Variants in TEAD1 observed in about 807,000 individuals in gnomAD.
TEAD1 encodes the protein transcriptional enhancer factor TEF-1.
In TEAD1, 9 loss-of-function variants were observed where a neutral mutation model predicts 54.9. That is an observed-to-expected ratio of 0.16 (90% CI 0.10 to 0.29). TEAD1 has a LOEUF of 0.29. Ranked by LOEUF, TEAD1 falls within the 10% of genes least tolerant of loss-of-function variation. TEAD1 has a pLI of 1.00. For synonymous variants in TEAD1, 200 were observed against 187.8 expected (o/e 1.07, Z -0.53); for missense variants, 387 against 535.9 (o/e 0.72, Z 2.74).
chr11:12,749,308 A>T (rs978407314), intron 2 of TEAD1, among the ~76,000 whole-genome samples: 6 of 152,190 alleles, frequency 3.9e-5, no homozygotes, highest in Non-Finnish European at 8.8e-5. Flanking sequence ...TTACATTTTA[A>T]TTAATCTAAG....
intron 2 of TEAD1, among the ~76,000 whole-genome samples, chr11:12,726,913 T>C (rs1944324545): frequency 6.6e-6 from 1 of 152,230 alleles, no homozygotes; most frequent in African/African-American, 2.4e-5. Context: ...TAATAAGTTA[T>C]TGAAATTAAT....
At chr11:12,822,984 A>G (rs192417708) in intron 3 of TEAD1, among the ~76,000 whole-genome samples, 37 of 152,348 alleles carry the variant, frequency 2.4e-4, no homozygotes, top group African/African-American at 8.7e-4. Context: ...TTACATCTCA[A>G]GACAACATTT....
intron 11 of TEAD1, 113 bp downstream of exon 11, chr11:12,925,165 G>A (rs1344986722): frequency 8.1e-7 from 1 of 1,232,086 alleles, no homozygotes. Flanking sequence ...CTTACCTTCT[G>A]TATTAGTCCA....
At chr11:12,708,287 A>C (rs534236924) in intron 2 of TEAD1, among the ~76,000 whole-genome samples, 44 of 151,918 alleles carry the variant, frequency 2.9e-4, no homozygotes, top group African/African-American at 1.1e-3. Context: ...AGGTCTGTGC[A>C]ATTGTGTATG....
At chr11:12,879,482 C>T in intron 5 of TEAD1, 1 of 646,642 alleles carries the variant, frequency 1.5e-6, no homozygotes, top group East Asian at 2.7e-5. Flanking sequence ...GATTTAATCC[C>T]TAAAAAAAGC....
chr11:12,684,745 T>C (rs1015086729), intron 2 of TEAD1, among the ~76,000 whole-genome samples: 4 of 152,208 alleles, frequency 2.6e-5, no homozygotes, highest in Non-Finnish European at 4.4e-5. Flanking sequence ...CTAGGCCATT[T>C]GTTTCTCTCA....
chr11:12,721,977 G>C (rs1161791745), intron 2 of TEAD1, among the ~76,000 whole-genome samples: 1 of 152,186 alleles, frequency 6.6e-6, no homozygotes, highest in East Asian at 1.9e-4. Flanking sequence ...TTCAGATTCA[G>C]GTGCCTCACT....
chr11:12,743,441 T>G (rs532092017), intron 2 of TEAD1, among the ~76,000 whole-genome samples: 18 of 152,358 alleles, frequency 1.2e-4, no homozygotes, highest in Admixed American at 9.1e-4. Flanking sequence ...TCTCCTGTGA[T>G]TTAAGCAGAT....
At chr11:12,915,099 C>T (rs550578364) in intron 10 of TEAD1, among the ~76,000 whole-genome samples, 25 of 152,262 alleles carry the variant, frequency 1.6e-4, no homozygotes, top group African/African-American at 5.8e-4. Context: ...AGGTCATTCT[C>T]CCCAGCTCTT....
Position 12,942,520 on chromosome 11 carries a change from G to A in TEAD1, c.*5298G>A, listed in dbSNP as rs541260474. ...CACCTCGTCACCCAGCCCTGCGTCC[G>A]GATGAGGGGACTTCTGCACAAATGA... On this transcript the variant is annotated 3_prime_UTR_variant, in exon 13 of 13. Transcript: ENST00000527636. 3 of 152,288 alleles carry A rather than the reference G, an allele frequency of 2.0e-5. No individual in the cohort carries two copies. Among genetic ancestry groups the A allele is most frequent in the Non-Finnish European group, 2.9e-5 (2 of 68,032 alleles). 9.4% of individuals were successfully genotyped at this position (152,288 alleles called of 1,614,324 possible). A position where few individuals can be genotyped will look rare whatever the true frequency, so the allele number is the denominator to read the frequency against.
intron 9 of TEAD1, among the ~76,000 whole-genome samples, chr11:12,896,098 A>G (rs1948310566): frequency 6.6e-6 from 1 of 152,124 alleles, no homozygotes; most frequent in African/African-American, 2.4e-5. Flanking sequence ...AGCGTGGTTA[A>G]TGTTATATAT....
At chr11:12,812,557 A>C (rs1428431109) in intron 3 of TEAD1, among the ~76,000 whole-genome samples, 4 of 152,206 alleles carry the variant, frequency 2.6e-5, no homozygotes, top group Admixed American at 6.5e-5. Context: ...TTAAAAAGTA[A>C]ATATTTAAAA....
Position 12,887,800 on chromosome 11 carries a change from CT to C in TEAD1, c.699+4677del, listed in dbSNP as rs1401149975. Reference sequence around the variant, plus strand: ...TTTTAACAAATTTGGGCATACAGTACTTAAAATATAACATCCAGCATTAACC... The same window carrying C: ...TTTTAACAAATTTGGGCATACAGTACTAAAATATAACATCCAGCATTAACC... On this transcript the variant is annotated intron_variant, in intron 9 of 12. Transcript: ENST00000527636. Among the ~76,000 whole-genome samples the C allele has an allele frequency of 5.3e-5, 8 of 152,288 alleles. No individual in the cohort carries two copies. The South Asian group carries it at 1.4e-3, about 28-fold the overall frequency.
chr11:12,706,580 G>C (rs1943819713), intron 2 of TEAD1, among the ~76,000 whole-genome samples: 1 of 152,208 alleles, frequency 6.6e-6, no homozygotes, highest in Admixed American at 6.5e-5. Context: ...GGTGATTTCT[G>C]CTGCTAAAGT....
In TEAD1 at chr11:12,864,092, C is replaced by T. The variant is rs1300714315; in HGVS notation, c.268-746C>T. Among the ~76,000 whole-genome samples the T allele has an allele frequency of 3.3e-5, 5 of 151,122 alleles. 1 individual carries two copies. Among genetic ancestry groups the T allele is most frequent in the Admixed American group, 3.3e-4 (5 of 15,170 alleles). ...AGGGCAAAAAAAAAAAAAAATAGCT[C>T]TGCTAACTGGGTCTTTCCATTTCTC... On this transcript the variant is annotated intron_variant, in intron 4 of 12. Coordinates refer to ENST00000527636, the MANE Select transcript of TEAD1 (RefSeq NM_021961.6).
At chr11:12,870,394 A>T (rs553262773) in intron 5 of TEAD1, among the ~76,000 whole-genome samples, 1 of 152,272 alleles carries the variant, frequency 6.6e-6, no homozygotes, top group South Asian at 2.1e-4. Flanking sequence ...ACAGTGAACC[A>T]GGAGCAGAGA....
rs61878762 is a variant in TEAD1 at position 12,826,766 on chromosome 11, G to A, written c.203-35484G>A. Among the ~76,000 whole-genome samples, 1,458 of 152,256 alleles carry A rather than the reference G, an allele frequency of 9.6e-3. 14 individuals carry two copies. Among genetic ancestry groups the A allele is most frequent in the Middle Eastern group, 0.027 (8 of 294 alleles). On this transcript the variant is annotated intron_variant, in intron 3 of 12. Coordinates refer to ENST00000527636, the MANE Select transcript of TEAD1 (RefSeq NM_021961.6). ...TTAGTGCTTTGTACCTAGCATATAG[G>A]AACCCATTATTAAGTAATATTACAG...
chr11:12,903,923 T>C (rs762601248), intron 10 of TEAD1, among the ~76,000 whole-genome samples: 6 of 152,202 alleles, frequency 3.9e-5, no homozygotes, highest in Non-Finnish European at 7.3e-5. Flanking sequence ...CATTTTCCTT[T>C]TCTGAATTGG....
chr11:12,677,104 G>GTA (rs1285007603), intron 2 of TEAD1, among the ~76,000 whole-genome samples: 2 of 152,124 alleles, frequency 1.3e-5, no homozygotes, highest in African/African-American at 4.8e-5. Context: ...CCTTTATAAA[G>GTA]TAATGAACTG....
Sources: allele counts gnomAD v4.1 joint callset (sites outside exome capture counted in the v4.1 genomes callset), GRCh38; gene constraint gnomAD v4.1.1; transcripts MANE v1.5; gene names NCBI Gene and HGNC (gene_info 2026-07-23, HGNC 2026-07-21).